The following IFT88 variants were observed in gnomAD, a reference collection of about 807,000 sequenced individuals.
IFT88 encodes the protein intraflagellar transport protein 88 homolog.
A neutral mutation model predicts 119.5 loss-of-function variants in IFT88; 74 were observed. The ratio of observed to expected loss-of-function variants is 0.62; its 90% CI spans 0.51 to 0.75. The LOEUF is 0.75. Among genes scored for constraint, IFT88 ranks in the 30% least tolerant of loss-of-function variants. The pLI, the probability that IFT88 is intolerant of heterozygous loss-of-function variation, is 0.00. For synonymous variants in IFT88, 279 were observed against 316.7 expected, an observed-to-expected ratio of 0.88 and a Z score of 1.26; for missense variants, 961 against 977.7, an observed-to-expected ratio of 0.98 and a Z score of 0.23.
chr13:20,669,445 G>A (rs1285469622), intron 23 of IFT88, among the ~76,000 whole-genome samples: 1 of 147,344 alleles, frequency 6.8e-6, no homozygotes, highest in South Asian at 2.1e-4. Context: ...TTTTTGAGAC[G>A]GAGTCCCTCT....
intron 24 of IFT88, among the ~76,000 whole-genome samples, chr13:20,681,791 G>A (rs892542272): frequency 3.3e-5 from 5 of 152,214 alleles, no homozygotes; most frequent in Admixed American, 3.3e-4. Context: ...TACATTGGCA[G>A]GCATCTCAAA....
At chr13:20,645,120 G>A (rs1323351504) in intron 20 of IFT88, among the ~76,000 whole-genome samples, 162 bp downstream of exon 20, 11 of 152,146 alleles carry the variant, frequency 7.2e-5, no homozygotes, top group South Asian at 2.1e-4. Flanking sequence ...ACGGAGTTTC[G>A]CTCTTGTTGC....
chr13:20,634,872 A>C (rs111253104), intron 16 of IFT88, among the ~76,000 whole-genome samples: 3,907 of 151,502 alleles, frequency 0.026, 171 homozygotes, highest in African/African-American at 0.089. Context: ...ATATGTATAC[A>C]TGTGCCATGT....
chr13:20,595,440 C>A (rs2041476516), intron 7 of IFT88, among the ~76,000 whole-genome samples: 1 of 151,980 alleles, frequency 6.6e-6, no homozygotes, highest in East Asian at 1.9e-4. Context: ...TAGGTGCCTG[C>A]CCCAACACCT....
chr13:20,643,356 A>T, intron 18 of IFT88, 99 bp from the exon 19 acceptor site: 1 of 892,862 alleles, frequency 1.1e-6, no homozygotes, highest in Non-Finnish European at 1.7e-6. Flanking sequence ...ATAGCACATT[A>T]CTGTAGGCTA....
At chr13:20,646,743 C>T (rs2497497) in intron 20 of IFT88, among the ~76,000 whole-genome samples, 31,897 of 151,362 alleles carry the variant, frequency 0.21, 3,906 homozygotes, top group African/African-American at 0.31. Flanking sequence ...CCCCTCTTGA[C>T]CTTCCCCTTA....
intron 20 of IFT88, among the ~76,000 whole-genome samples, chr13:20,653,193 A>G (rs1013128842): frequency 1.3e-5 from 2 of 152,250 alleles, no homozygotes; most frequent in Admixed American, 6.5e-5. Context: ...ATTTAAAGCC[A>G]GATCTATCTG....
At chr13:20,631,174 G>A in intron 16 of IFT88, 72 bp downstream of exon 16, 1 of 956,248 alleles carries the variant, frequency 1.0e-6, no homozygotes, top group African/African-American at 1.6e-5. Flanking sequence ...CAAGGATCAT[G>A]CCTAGGGAGA....
chr13:20,596,553 A>G (rs1369039408), intron 8 of IFT88, among the ~76,000 whole-genome samples: 1 of 152,200 alleles, frequency 6.6e-6, no homozygotes, highest in Admixed American at 6.5e-5. Context: ...AGGTGTAGCT[A>G]CCATGAGCCA....
Position 20,665,078 on chromosome 13 carries a change from CAA to C in IFT88, c.2175+1486_2175+1487del, listed in dbSNP as rs397851417. Among the ~76,000 whole-genome samples, 133 of 125,648 alleles carry C rather than the reference CAA, an allele frequency of 1.1e-3. 1 individual carries two copies. Among genetic ancestry groups the C allele is most frequent in the African/African-American group, 3.3e-3 (122 of 36,554 alleles). The allele number at this position is 125,648 out of a possible 152,430, so 82.4% of individuals were successfully genotyped here. ...TGGGCAACAGAGCGACACTCCGTCT[CAA>C]AAAAAAAAAAAGACAAAAATGCAGA... On this transcript the variant is annotated intron_variant, in intron 23 of 25. Transcript: ENST00000351808.
chr13:20,606,862 C>T (rs1346988391), intron 13 of IFT88, among the ~76,000 whole-genome samples: 1 of 152,096 alleles, frequency 6.6e-6, no homozygotes, highest in Non-Finnish European at 1.5e-5. Flanking sequence ...GGCTGGGTGA[C>T]AGAGCAGGAC....
At chr13:20,688,112 C>T (rs1228724544) in intron 24 of IFT88, among the ~76,000 whole-genome samples, 4 of 152,126 alleles carry the variant, frequency 2.6e-5, no homozygotes, top group African/African-American at 9.7e-5. Flanking sequence ...GAGGCAGGCG[C>T]ATCACCTGAG....
intron 23 of IFT88, among the ~76,000 whole-genome samples, chr13:20,666,690 G>A (rs2054748823): frequency 6.6e-6 from 1 of 152,020 alleles, no homozygotes; most frequent in African/African-American, 2.4e-5. Context: ...TCCAGAGTGG[G>A]AATGACATAA....
chr13:20,667,106 G>C (rs1371875495), intron 23 of IFT88, among the ~76,000 whole-genome samples: 1 of 152,110 alleles, frequency 6.6e-6, no homozygotes, highest in East Asian at 1.9e-4. Flanking sequence ...TCTTAGCGTT[G>C]AAGTGATAAG....
chr13:20,684,492 G>T (rs977709141), intron 24 of IFT88, among the ~76,000 whole-genome samples: 11 of 152,058 alleles, frequency 7.2e-5, no homozygotes, highest in Non-Finnish European at 2.9e-5. Flanking sequence ...ATATAGAAAG[G>T]CTCCAAGGTG....
chr13:20,626,684 G>T (rs193046987), intron 15 of IFT88, among the ~76,000 whole-genome samples: 2 of 152,144 alleles, frequency 1.3e-5, no homozygotes, highest in African/African-American at 4.8e-5. Flanking sequence ...TAGCTTGGGT[G>T]GGGGGTAGAG....
intron 7 of IFT88, among the ~76,000 whole-genome samples, chr13:20,593,108 G>A (rs1347434361): frequency 6.6e-6 from 1 of 152,110 alleles, no homozygotes; most frequent in Non-Finnish European, 1.5e-5. Context: ...AAATTAATGT[G>A]TCATATTATT....
At chr13:20,607,509 T>C (rs781481412) in intron 13 of IFT88, 43 of 689,800 alleles carry the variant, frequency 6.2e-5, no homozygotes, top group Admixed American at 2.9e-4. Context: ...TCTTTTGACA[T>C]GTGGGGAGGC....
At chr13:20,683,681 A>AT (rs1356343292) in intron 24 of IFT88, among the ~76,000 whole-genome samples, 1 of 151,980 alleles carries the variant, frequency 6.6e-6, no homozygotes, top group African/African-American at 2.4e-5. Context: ...CCTTTCATTC[A>AT]TTTTTTTCCT....
Sources: gnomAD v4.1 joint callset for allele counts (sites outside exome capture counted in the v4.1 genomes callset) on GRCh38, gnomAD v4.1.1 for gene constraint, MANE v1.5 for transcripts, NCBI Gene and HGNC (gene_info 2026-07-23, HGNC 2026-07-21) for gene names.